Variants in CIMIP6 observed in about 807,000 individuals in gnomAD.
CIMIP6 encodes the protein uncharacterized protein C2orf73.
chr2:54,340,250 G>A, the CIMIP6 span, among the ~76,000 whole-genome samples: 5 of 20,638 alleles, frequency 2.4e-4, 2 homozygotes, highest in African/African-American at 7.7e-4. Flanking sequence ...CCTAGACAAA[G>A]CCATCACGCT....
At chr2:54,343,627 T>G in the CIMIP6 span, 1 of 902,200 alleles carries the variant, frequency 1.1e-6, no homozygotes, top group Non-Finnish European at 1.6e-6. Context: ...ACTAACTTGT[T>G]AAATTGAATT....
the CIMIP6 span, among the ~76,000 whole-genome samples, chr2:54,350,732 T>A: frequency 6.6e-6 from 1 of 152,236 alleles, no homozygotes; most frequent in South Asian, 2.1e-4. Flanking sequence ...CCTTCAACAG[T>A]CATTTAAATG....
At chr2:54,349,180 C>T in the CIMIP6 span, among the ~76,000 whole-genome samples, 1 of 152,202 alleles carries the variant, frequency 6.6e-6, no homozygotes, top group East Asian at 1.9e-4. Context: ...GCTTCTTTTG[C>T]ACCAAAATGT....
the CIMIP6 span, among the ~76,000 whole-genome samples, chr2:54,350,941 T>C: frequency 3.4e-4 from 52 of 152,326 alleles, no homozygotes; most frequent in African/African-American, 1.2e-3. Context: ...TTCAAATTCT[T>C]TGAGGGTAAT....
At chr2:54,367,638 T>A in the CIMIP6 span, among the ~76,000 whole-genome samples, 1 of 151,936 alleles carries the variant, frequency 6.6e-6, no homozygotes, top group African/African-American at 2.4e-5. Context: ...ATGCTATAAA[T>A]CAAATGTAAA....
chr2:54,371,778 C>T, the CIMIP6 span, among the ~76,000 whole-genome samples: 1 of 152,190 alleles, frequency 6.6e-6, no homozygotes, highest in Non-Finnish European at 1.5e-5. Flanking sequence ...AGGAGTGGTT[C>T]CAGGCATGCT....
At chr2:54,345,350 G>A in the CIMIP6 span, among the ~76,000 whole-genome samples, 5 of 152,122 alleles carry the variant, frequency 3.3e-5, no homozygotes, top group African/African-American at 1.2e-4. Context: ...AGGAAGATAA[G>A]GGTGAGTTTA....
At chr2:54,379,404 A>G in the CIMIP6 span, among the ~76,000 whole-genome samples, 1 of 152,206 alleles carries the variant, frequency 6.6e-6, no homozygotes, top group African/African-American at 2.4e-5. Flanking sequence ...TCACCTCATC[A>G]GATCACCTGT....
chr2:54,353,544 G>A, the CIMIP6 span, among the ~76,000 whole-genome samples: 1 of 152,004 alleles, frequency 6.6e-6, no homozygotes, highest in Non-Finnish European at 1.5e-5. Context: ...TGGGAGTGGG[G>A]GGAGGGGGAA....
the CIMIP6 span, among the ~76,000 whole-genome samples, chr2:54,340,556 C>CT: frequency 7.3e-5 from 11 of 151,356 alleles, no homozygotes; most frequent in African/African-American, 2.4e-4. Flanking sequence ...GAAAGACAAC[C>CT]TTTTTTTTTG....
the CIMIP6 span, chr2:54,360,357 CA>C: frequency 6.2e-7 from 1 of 1,610,264 alleles, no homozygotes; most frequent in African/African-American, 1.3e-5. Context: ...AGAATGATCT[CA>C]CCAGGTCTCT....
At chr2:54,356,990 C>G in the CIMIP6 span, among the ~76,000 whole-genome samples, 2 of 152,020 alleles carry the variant, frequency 1.3e-5, no homozygotes, top group African/African-American at 2.4e-5. Flanking sequence ...TCATCTTTTC[C>G]CACTTGGTGG....
the CIMIP6 span, among the ~76,000 whole-genome samples, chr2:54,353,657 T>C: frequency 1.3e-5 from 2 of 152,190 alleles, no homozygotes; most frequent in African/African-American, 4.8e-5. Context: ...TTCGTTAATC[T>C]CCAGAGTTCT....
the CIMIP6 span, among the ~76,000 whole-genome samples, chr2:54,374,115 T>C: frequency 6.6e-6 from 1 of 152,218 alleles, no homozygotes; most frequent in Non-Finnish European, 1.5e-5. Context: ...TCTTACCTCC[T>C]TAGCCTGTAC....
chr2:54,360,464 A>G, the CIMIP6 span: 7 of 1,581,402 alleles, frequency 4.4e-6, no homozygotes, highest in South Asian at 1.2e-5. Context: ...CACTCCTGAG[A>G]GCAGAGAAAA....
the CIMIP6 span, among the ~76,000 whole-genome samples, chr2:54,344,708 G>C: frequency 2.8e-5 from 2 of 70,422 alleles, no homozygotes; most frequent in African/African-American, 9.7e-5. Context: ...GGTAAATCAA[G>C]CTGATCCCCC....
the CIMIP6 span, among the ~76,000 whole-genome samples, chr2:54,352,482 A>C: frequency 6.6e-6 from 1 of 152,186 alleles, no homozygotes; most frequent in Non-Finnish European, 1.5e-5. Context: ...TCCTTACAAC[A>C]TGATGTTTTG....
At chr2:54,347,156 T>C in the CIMIP6 span, among the ~76,000 whole-genome samples, 3 of 152,198 alleles carry the variant, frequency 2.0e-5, no homozygotes, top group East Asian at 5.8e-4. Context: ...ACATTCAAAA[T>C]TGAATGTACA....
the CIMIP6 span, among the ~76,000 whole-genome samples, chr2:54,362,465 T>C: frequency 6.6e-6 from 1 of 152,228 alleles, no homozygotes; most frequent in Non-Finnish European, 1.5e-5. Context: ...CCATTCTTTC[T>C]CTTCCCTCTT....
Sources: gnomAD v4.1 joint callset for allele counts (sites outside exome capture counted in the v4.1 genomes callset) on GRCh38, gnomAD v4.1.1 for gene constraint, MANE v1.5 for transcripts, NCBI Gene and HGNC (gene_info 2026-07-23, HGNC 2026-07-21) for gene names.